GMDS: variants seen among roughly 807,000 people sequenced by gnomAD.
The protein encoded by GMDS is GDP-mannose 4,6 dehydratase.
GMDS carries 20 observed loss-of-function variants against 49.9 expected under a neutral mutation model. The ratio of observed to expected loss-of-function variants is 0.40; its 90% CI spans 0.28 to 0.58. The LOEUF is 0.58. GMDS is among the 20% of genes least tolerant of loss of function. GMDS has a pLI of 0.42. For synonymous variants in GMDS, 177 were observed against 178.6 expected (o/e 0.99, Z 0.07); for missense variants, 362 against 481.4 (o/e 0.75, Z 2.32).
intron 9 of GMDS, chr6:1,717,782 TAATAAAATGAC>T (rs1439610391): frequency 2.6e-5 from 4 of 152,214 alleles, no homozygotes; most frequent in African/African-American, 9.7e-5. Flanking sequence ...TAATGATGAC[TAATAAAATGAC>T]AATATGCAGC....
intron 4 of GMDS, among the ~76,000 whole-genome samples, chr6:2,104,983 C>T (rs1056383150): frequency 3.3e-5 from 5 of 151,774 alleles, no homozygotes; most frequent in Admixed American, 6.6e-5. Flanking sequence ...GAGATCGAGA[C>T]CATCCTGGCT....
chr6:1,677,092 A>T (rs1764649263), intron 9 of GMDS, among the ~76,000 whole-genome samples: 1 of 152,352 alleles, frequency 6.6e-6, no homozygotes, highest in Admixed American at 6.5e-5. Context: ...AGAAAAAATC[A>T]AACAACCCTA....
chr6:2,245,560 C>A lies in GMDS; in HGVS notation c.-138G>T. On this transcript the variant is annotated 5_prime_UTR_variant, in exon 1 of 11. Transcript: ENST00000380815. ...AGGGAGGGAGAGCGCACCGCGCGAC[C>A]GGCCGCCACAGTCTGACAGGGGCGC... 1 of 441,586 alleles carries A rather than the reference C, an allele frequency of 2.3e-6. No individual in the cohort carries two copies. The highest frequency in any genetic ancestry group is 3.8e-6 in the Non-Finnish European group (1 of 262,140). The allele number at this position is 441,586 out of a possible 1,614,324, so 27.4% of individuals were successfully genotyped here. A position where few individuals can be genotyped will look rare whatever the true frequency, so the allele number is the denominator to read the frequency against.
chr6:1,843,382 C>T (rs1005654980), intron 7 of GMDS, among the ~76,000 whole-genome samples: 40 of 152,048 alleles, frequency 2.6e-4, no homozygotes, highest in Non-Finnish European at 8.8e-5. Flanking sequence ...TCTCTGGACT[C>T]CTATGTTAGA....
intron 4 of GMDS, among the ~76,000 whole-genome samples, chr6:2,061,797 A>G (rs1412165351): frequency 6.6e-6 from 1 of 151,840 alleles, no homozygotes; most frequent in Non-Finnish European, 1.5e-5. Context: ...TGGAATGATC[A>G]TTACAGATGC....
At chr6:2,031,840 G>A (rs1768983419) in intron 4 of GMDS, among the ~76,000 whole-genome samples, 1 of 152,122 alleles carries the variant, frequency 6.6e-6, no homozygotes, top group Non-Finnish European at 1.5e-5. Context: ...TAACAACTAA[G>A]TTGTAACTTT....
intron 4 of GMDS, among the ~76,000 whole-genome samples, chr6:2,004,775 G>A (rs1429006004): frequency 6.6e-6 from 1 of 152,170 alleles, no homozygotes; most frequent in Non-Finnish European, 1.5e-5. Flanking sequence ...TAAGGATTGT[G>A]GGATACAGGA....
intron 1 of GMDS, among the ~76,000 whole-genome samples, chr6:2,154,014 G>A (rs1400368420): frequency 6.6e-6 from 1 of 152,094 alleles, no homozygotes; most frequent in Non-Finnish European, 1.5e-5. Flanking sequence ...TTTGATTTTT[G>A]CCTTGTCCAT....
At chr6:1,794,765 A>T (rs578114160) in intron 7 of GMDS, among the ~76,000 whole-genome samples, 2 of 152,196 alleles carry the variant, frequency 1.3e-5, no homozygotes, top group Non-Finnish European at 2.9e-5. Flanking sequence ...TCTTATCCCA[A>T]ATATATAAAA....
At chr6:1,909,624 G>A (rs995433571) in intron 7 of GMDS, among the ~76,000 whole-genome samples, 5 of 152,172 alleles carry the variant, frequency 3.3e-5, no homozygotes, top group African/African-American at 9.7e-5. Flanking sequence ...CCATCCGTGT[G>A]TGATGCTGGC....
chr6:1,985,063 A>C (rs1418555376), intron 4 of GMDS, among the ~76,000 whole-genome samples: 13 of 152,194 alleles, frequency 8.5e-5, no homozygotes. Context: ...CAGAGGCAGA[A>C]TTTTCCAGCC....
In GMDS at chr6:1,970,472, A is replaced by G. The variant is rs143068508; in HGVS notation, c.346-9506T>C. 4.5e-4 allele frequency among the ~76,000 whole-genome samples: 68 copies of G among 152,230 alleles called. No homozygotes were observed. The East Asian group carries it at 0.013, about 29-fold the overall frequency. ...GTCAGGCAGGTGCAGACCTAGAAGCACTGCGGCTCAGTGGGCAGGGAAGGA... is the reference window on the plus strand; with the variant it reads ...GTCAGGCAGGTGCAGACCTAGAAGCGCTGCGGCTCAGTGGGCAGGGAAGGA... On this transcript the variant is annotated intron_variant, in intron 4 of 10. Transcript: ENST00000380815.
intron 7 of GMDS, among the ~76,000 whole-genome samples, chr6:1,844,100 G>A (rs971283149): frequency 6.6e-6 from 1 of 152,146 alleles, no homozygotes; most frequent in Non-Finnish European, 1.5e-5. Context: ...ACTGTGTTAG[G>A]AGCTTTAGAT....
rs568354410 is a variant in GMDS at position 1,658,034 on chromosome 6, G to C, written c.988-33494C>G. On this transcript the variant is annotated intron_variant, in intron 9 of 10. Transcript: ENST00000380815. Reference sequence around the variant, plus strand: ...GAGCATTCTCTTGGAACTGCTCAGAGGCAGGGAGTGCCGGGGGTGTGTGTT... The same window carrying C: ...GAGCATTCTCTTGGAACTGCTCAGACGCAGGGAGTGCCGGGGGTGTGTGTT... Among the ~76,000 whole-genome samples, 3 of 152,360 alleles carry C rather than the reference G, an allele frequency of 2.0e-5. No individual in the cohort carries two copies. In the South Asian group the frequency reaches 6.2e-4, roughly 32 times the overall value.
chr6:2,088,226 A>G (rs1002400367), intron 4 of GMDS, among the ~76,000 whole-genome samples: 29 of 152,180 alleles, frequency 1.9e-4, no homozygotes. Flanking sequence ...GAGATCAGAA[A>G]AAAAATGCAA....
intron 9 of GMDS, among the ~76,000 whole-genome samples, chr6:1,713,708 A>G (rs910899109): frequency 1.3e-5 from 2 of 152,236 alleles, no homozygotes; most frequent in Admixed American, 1.3e-4. Flanking sequence ...ATTTGGCGGC[A>G]TGAAGCACAA....
intron 1 of GMDS, among the ~76,000 whole-genome samples, chr6:2,168,104 G>A (rs9503113): frequency 0.033 from 5,013 of 152,250 alleles, 292 homozygotes; most frequent in African/African-American, 0.11. Context: ...CCTACACTGA[G>A]GAGGTACAAA....
intron 7 of GMDS, among the ~76,000 whole-genome samples, chr6:1,757,177 G>A (rs1030379975): frequency 6.6e-6 from 1 of 152,010 alleles, no homozygotes; most frequent in African/African-American, 2.4e-5. Context: ...CTTTAACATC[G>A]TGCAGTGACA....
chr6:1,951,951 A>C (rs1262931008), intron 6 of GMDS: 12 of 984,280 alleles, frequency 1.2e-5, no homozygotes, highest in Non-Finnish European at 1.4e-5. Context: ...TGGCCCACTC[A>C]GTGTCACAGG....
Sources: allele counts gnomAD v4.1 joint callset (sites outside exome capture counted in the v4.1 genomes callset), GRCh38; gene constraint gnomAD v4.1.1; transcripts MANE v1.5; gene names NCBI Gene and HGNC (gene_info 2026-07-23, HGNC 2026-07-21).